The following MYBPC2 variants were observed in gnomAD, a reference collection of about 807,000 sequenced individuals.
The protein encoded by MYBPC2 is myosin binding protein C2, also known as myosin-binding protein C, fast-type.
A neutral mutation model predicts 137.0 loss-of-function variants in MYBPC2; 122 were observed. The observed-to-expected ratio is 0.89, with a 90% CI of 0.77 to 1.03. The LOEUF is 1.03. Ranked by LOEUF, MYBPC2 falls within the 50% of genes least tolerant of loss-of-function variation. MYBPC2 has a pLI of 0.00. For synonymous variants in MYBPC2, 626 were observed against 612.3 expected (o/e 1.02, Z -0.33); for missense variants, 1,500 against 1,534.4 (o/e 0.98, Z 0.37).
chr19:50,458,308 T>TA (rs375818984), intron 20 of MYBPC2, among the ~76,000 whole-genome samples: 1,830 of 85,974 alleles, frequency 0.021, 40 homozygotes, highest in African/African-American at 0.068. Flanking sequence ...AGACTCCACC[T>TA]AAAAAAAAAA....
chr19:50,433,793 G>C (rs1199857573), intron 1 of MYBPC2, among the ~76,000 whole-genome samples: 1 of 150,046 alleles, frequency 6.7e-6, no homozygotes, highest in Non-Finnish European at 1.5e-5. Flanking sequence ...GACTCAGAGG[G>C]AGCCAGGTGC....
Position 50,458,622 on chromosome 19 carries a change from G to A in MYBPC2, c.2374G>A (p.Glu792Lys). The A allele has an allele frequency of 1.2e-6, 2 of 1,612,808 alleles. No homozygotes were observed. Among genetic ancestry groups the A allele is most frequent in the Non-Finnish European group, 8.5e-7 (1 of 1,179,896 alleles). The part of the protein sequence containing the change: ...EWVPANTEPV[E>K]RCGFTVKNLP... The stretch of plus-strand genomic sequence containing the variant: ...GGTCCCTGCCAACACCGAGCCCGTG[G>A]AGCGCTGTGGCTTCACCGTCAAGAA... The change falls in exon 21 of 28, where the codon GAG (glutamate) becomes AAG (lysine). Residue 792 changes from glutamate (E) to lysine (K), a missense_variant. Physicochemically the swap from Glu to Lys is moderately conservative, Grantham distance 56. Coordinates refer to ENST00000357701, the MANE Select transcript of MYBPC2 (RefSeq NM_004533.4).
rs768576188 is a variant in MYBPC2, at chr19:50,435,228, G to A, written c.87G>A (p.Glu29=). The change falls in exon 2 of 28, where the codon GAG becomes GAA. Residue 29 remains glutamate, a synonymous_variant. Coordinates refer to ENST00000357701, the MANE Select transcript of MYBPC2 (RefSeq NM_004533.4). The surrounding 1 kb of genome is among the most constrained non-coding windows in gnomAD (Gnocchi z 4.8). ...CCCCCAAGGAGGCTCCCCCTAAGGA[G>A]GCTCCTGCAGAGGCCCCCAAAGGTG... ...KGAPKEAPPK[E]APAEAPKEAP... 1.1e-5 allele frequency: 14 copies of A among 1,288,708 alleles called. No homozygotes were observed. The East Asian group carries it at 1.2e-4, about 11-fold the overall frequency. 79.8% of individuals were successfully genotyped at this position (1,288,708 alleles called of 1,614,324 possible).
intron 4 of MYBPC2, 66 bp downstream of exon 4, chr19:50,436,226 G>GA: frequency 6.6e-7 from 1 of 1,522,600 alleles, no homozygotes; most frequent in South Asian, 1.3e-5. Flanking sequence ...ATGCTCCTCA[G>GA]AAGCCCTGTT....
In MYBPC2 at chr19:50,448,379, C is replaced by G; in HGVS notation, c.1461C>G (p.Ser487=). 6.2e-7 allele frequency: 1 copy of G among 1,613,482 alleles called. No homozygotes were observed. The highest frequency in any genetic ancestry group is 8.5e-7 in the Non-Finnish European group (1 of 1,179,560). The change falls in exon 13 of 28, where the codon TCC becomes TCG. Residue 487 remains serine, a synonymous_variant. Transcript: ENST00000357701. Reference sequence around the variant, plus strand: ...GGCCCAGCAAGAGGATCACCATTTCCCATGTAGGCAGGTGAGGAGTGGGCT... The same window carrying G: ...GGCCCAGCAAGAGGATCACCATTTCGCATGTAGGCAGGTGAGGAGTGGGCT... The part of the protein sequence containing the change: ...EVRPSKRITI[S]HVGRFHKLVI...
At position 50,435,337 on chromosome 19, in the gene MYBPC2, C is replaced by T; in HGVS notation, c.109+87C>T. ...GCCTCTCCAGGCCTTTCCCCAGCCT[C>T]TATCCTTGAATCTGTCCCCGCACAG... On this transcript the variant is annotated intron_variant, in intron 2 of 27. Coordinates refer to ENST00000357701, the MANE Select transcript of MYBPC2 (RefSeq NM_004533.4). The surrounding 1 kb of genome is among the most constrained non-coding windows in gnomAD (Gnocchi z 4.8). The T allele has an allele frequency of 1.4e-6, 1 of 698,488 alleles. No homozygotes were observed. Among genetic ancestry groups the T allele is most frequent in the South Asian group, 1.5e-5 (1 of 65,128 alleles). The allele number at this position is 698,488 out of a possible 1,614,324, so 43.3% of individuals were successfully genotyped here.
In MYBPC2 at chr19:50,441,044, A is replaced by G; in HGVS notation, c.737A>G (p.Lys246Arg). The change falls in exon 8 of 28, where the codon AAA becomes AGA. Residue 246 changes from lysine (K) to arginine (R), a missense_variant. Coordinates refer to ENST00000357701, the MANE Select transcript of MYBPC2 (RefSeq NM_004533.4). ...TDLRGMLKRL[K>R]KAKVEVKKSA... is the part of the protein sequence containing the mutation. ...CTCCGGGGCATGCTGAAGCGGCTGAAAAAGGCTAAGGTCGAGGTCAAGAAG... is the reference window on the plus strand; with the variant it reads ...CTCCGGGGCATGCTGAAGCGGCTGAGAAAGGCTAAGGTCGAGGTCAAGAAG... 6.2e-7 allele frequency: 1 copy of G among 1,604,974 alleles called. No individual in the cohort carries two copies. Among genetic ancestry groups the G allele is most frequent in the Non-Finnish European group, 8.5e-7 (1 of 1,175,932 alleles).
chr19:50,442,179 A>G lies in MYBPC2; in HGVS notation c.770-2A>G. ...ATCCCCTTTGCATGCCTCAATCTTC[A>G]GCATTCACAAAGAAGCTGGATCCAG... On this transcript the variant is annotated splice_acceptor_variant, in intron 8 of 27. Coordinates refer to ENST00000357701, the MANE Select transcript of MYBPC2 (RefSeq NM_004533.4). LOFTEE classifies it high-confidence loss of function. The G allele has an allele frequency of 6.3e-7, 1 of 1,588,378 alleles. No individual in the cohort carries two copies. Among genetic ancestry groups the G allele is most frequent in the Non-Finnish European group, 8.6e-7 (1 of 1,167,418 alleles).
chr19:50,464,823 A>C (rs1029041201), intron 27 of MYBPC2, among the ~76,000 whole-genome samples: 1 of 152,154 alleles, frequency 6.6e-6, no homozygotes, highest in Admixed American at 6.5e-5. Flanking sequence ...CAAGGCCTCC[A>C]GTGTACCTGG....
At chr19:50,442,095 T>C (rs2039761023) in intron 8 of MYBPC2, 86 bp from the exon 9 acceptor site, 2 of 1,483,894 alleles carry the variant, frequency 1.3e-6, no homozygotes, top group African/African-American at 1.4e-5. Flanking sequence ...GCCCAGGGCC[T>C]GGGGAGGGAG....
rs761422218 is a variant in MYBPC2 at position 50,454,039 on chromosome 19, G to T, written c.1769G>T (p.Gly590Val). 1.9e-6 allele frequency: 3 copies of T among 1,605,176 alleles called. No individual in the cohort carries two copies. Among genetic ancestry groups the T allele is most frequent in the South Asian group, 2.2e-5 (2 of 89,406 alleles). ...GTTCAGGTATTCACGACCACCGAGGGCAGGACCCGCATCGAGAAGCGGGTG... is the reference window on the plus strand; with the variant it reads ...GTTCAGGTATTCACGACCACCGAGGTCAGGACCCGCATCGAGAAGCGGGTG... The part of the protein sequence containing the change: ...KGDEVFTTTE[G>V]RTRIEKRVDC... The change falls in exon 17 of 28, where the codon GGC becomes GTC. Residue 590 changes from glycine (G) to valine (V), a missense_variant. By Grantham distance (109) the Gly-to-Val change is moderately radical (BLOSUM62 -3). Transcript: ENST00000357701.
intron 4 of MYBPC2, 94 bp downstream of exon 4, chr19:50,436,254 G>A: frequency 6.7e-7 from 1 of 1,485,114 alleles, no homozygotes; most frequent in Non-Finnish European, 9.0e-7. Flanking sequence ...GCATCAATGT[G>A]GGCCTGGAGC....
chr19:50,450,167 A>T (rs2039843076), intron 13 of MYBPC2, among the ~76,000 whole-genome samples: 1 of 152,138 alleles, frequency 6.6e-6, no homozygotes, highest in Non-Finnish European at 1.5e-5. Flanking sequence ...AAACAAACAA[A>T]CAAAAACAAC....
chr19:50,466,070 G>A lies in MYBPC2; in HGVS notation c.3416-125G>A, dbSNP rs1294215435. The A allele has an allele frequency of 3.6e-6, 5 of 1,371,016 alleles. No individual in the cohort carries two copies. The highest frequency in any genetic ancestry group is 5.0e-6 in the Non-Finnish European group (5 of 992,908). 84.9% of individuals were successfully genotyped at this position (1,371,016 alleles called of 1,614,324 possible). A position where few individuals can be genotyped will look rare whatever the true frequency, so the allele number is the denominator to read the frequency against. ...GGGTTGTCCAGCCACAGTGGCCTAG[G>A]ATGGGGCGGGATGGTGACCGTCATC... On this transcript the variant is annotated intron_variant, in intron 27 of 27. Transcript: ENST00000357701. The surrounding 1 kb of genome is among the most constrained non-coding windows in gnomAD (Gnocchi z 4.9).
chr19:50,436,207 G>A (rs760143136), intron 4 of MYBPC2, 47 bp downstream of exon 4: 2 of 1,551,466 alleles, frequency 1.3e-6, no homozygotes, highest in Non-Finnish European at 1.7e-6. Flanking sequence ...AGTGGAGCTT[G>A]TGCAGGACAT....
chr19:50,443,854 A>T (rs754760396), intron 11 of MYBPC2, 38 bp downstream of exon 11: 1 of 1,575,906 alleles, frequency 6.3e-7, no homozygotes, highest in Non-Finnish European at 8.7e-7. Context: ...ATACAGGTGC[A>T]CATAGTTTCT....
In MYBPC2 at chr19:50,455,298, T is replaced by C; in HGVS notation, c.2203+2T>C. 1 of 1,612,418 alleles carries C rather than the reference T, an allele frequency of 6.2e-7. No homozygotes were observed. Among genetic ancestry groups the C allele is most frequent in the African/African-American group, 1.3e-5 (1 of 74,974 alleles). On this transcript the variant is annotated splice_donor_variant, in intron 19 of 27. Transcript: ENST00000357701. LOFTEE classifies it high-confidence loss of function. Reference sequence around the variant, plus strand: ...ACACCAAGCCTTTTATGCCTATTGGTAATGTCCTCCCTCACTTTTATGCCT... The same window carrying C: ...ACACCAAGCCTTTTATGCCTATTGGCAATGTCCTCCCTCACTTTTATGCCT...
At chr19:50,439,703 G>C (rs1292813245) in intron 7 of MYBPC2, among the ~76,000 whole-genome samples, 2 of 152,252 alleles carry the variant, frequency 1.3e-5, no homozygotes, top group African/African-American at 2.4e-5. Flanking sequence ...TCCAGGGAGA[G>C]AGAACAGTCT....
chr19:50,460,679 G>A (rs551044829), intron 24 of MYBPC2, among the ~76,000 whole-genome samples: 1 of 152,330 alleles, frequency 6.6e-6, no homozygotes, highest in Admixed American at 6.5e-5. Context: ...TGCCGGGTGT[G>A]TCCATGCAGA....
Sources: allele counts gnomAD v4.1 joint callset (sites outside exome capture counted in the v4.1 genomes callset), GRCh38; gene constraint gnomAD v4.1.1; non-coding constraint Gnocchi (gnomAD v3.1); transcripts MANE v1.5; gene names NCBI Gene and HGNC (gene_info 2026-07-23, HGNC 2026-07-21).